Variants in SYNRG observed in about 807,000 individuals in gnomAD.
SYNRG encodes the protein synergin gamma.
In SYNRG, 37 loss-of-function variants were observed where a neutral mutation model predicts 130.9. The observed-to-expected ratio is 0.28, with a 90% CI of 0.22 to 0.37. SYNRG has a LOEUF of 0.37. SYNRG is among the 10% of genes least tolerant of loss of function. The pLI, the probability that SYNRG is intolerant of heterozygous loss-of-function variation, is 1.00. For synonymous variants in SYNRG, 539 were observed against 568.1 expected, an observed-to-expected ratio of 0.95 and a Z score of 0.73; for missense variants, 1,338 against 1,588.9, an observed-to-expected ratio of 0.84 and a Z score of 2.68.
At chr17:37,575,333 T>C (rs747949046) in intron 8 of SYNRG, among the ~76,000 whole-genome samples, 8 of 152,182 alleles carry the variant, frequency 5.3e-5, no homozygotes, top group Non-Finnish European at 1.0e-4. Context: ...AAAGAAGTAA[T>C]ACATGCTTGA....
At chr17:37,555,208 C>T (rs767307647) in intron 13 of SYNRG, among the ~76,000 whole-genome samples, 1 of 152,010 alleles carries the variant, frequency 6.6e-6, no homozygotes, top group Non-Finnish European at 1.5e-5. Context: ...TTCACTGCAA[C>T]CTCCACCTCC....
chr17:37,579,499 G>A (rs2061118217), intron 6 of SYNRG: 2 of 1,172,796 alleles, frequency 1.7e-6, no homozygotes, highest in Non-Finnish European at 2.3e-6. Context: ...AAGGAATTAA[G>A]ATGTAGTACA....
chr17:37,522,134 TACACACACAC>T (rs60928738), intron 19 of SYNRG, among the ~76,000 whole-genome samples: 3 of 145,036 alleles, frequency 2.1e-5, no homozygotes, highest in Non-Finnish European at 4.5e-5. Flanking sequence ...TCTAATTCAC[TACACACACAC>T]ACACACACAC....
chr17:37,609,325 CA>C lies in SYNRG; in HGVS notation c.30del (p.Gly11AlafsTer25). 1 of 1,469,986 alleles carries C rather than the reference CA, an allele frequency of 6.8e-7. No homozygotes were observed. The highest frequency in any genetic ancestry group is 8.9e-7 in the Non-Finnish European group (1 of 1,117,458). The allele number at this position is 1,469,986 out of a possible 1,614,324, so 91.1% of individuals were successfully genotyped here. Reference sequence around the variant, plus strand: ...GCGCCAGCTCCCGCGGCCCCGCCGCCACCAGAACCAGCTCCTGGCCGCAGCG... The same window carrying C: ...GCGCCAGCTCCCGCGGCCCCGCCGCCCCAGAACCAGCTCCTGGCCGCAGCG... MALRPGAGSGGGGAAGAGAG... is the reference protein window; with the variant it reads MALRPGAGSXGGGAAGAGAG... On this transcript the variant is annotated frameshift_variant, in exon 1 of 22. Coordinates refer to ENST00000612223, the MANE Select transcript of SYNRG (RefSeq NM_007247.6). LOFTEE classifies it high-confidence loss of function.
At chr17:37,557,356 A>G (rs1161990846) in intron 13 of SYNRG, among the ~76,000 whole-genome samples, 2 of 152,224 alleles carry the variant, frequency 1.3e-5, no homozygotes, top group Non-Finnish European at 2.9e-5. Flanking sequence ...GAACAACACA[A>G]TACTATAAGA....
At chr17:37,568,661 G>T (rs1313090459) in intron 11 of SYNRG, 130 bp downstream of exon 11, 12 of 975,766 alleles carry the variant, frequency 1.2e-5, no homozygotes, top group Non-Finnish European at 1.6e-5. Flanking sequence ...TTAATACAGA[G>T]GGAATAAACA....
intron 12 of SYNRG, 72 bp from the exon 13 acceptor site, chr17:37,561,329 A>G: frequency 6.5e-7 from 1 of 1,549,390 alleles, no homozygotes; most frequent in South Asian, 1.1e-5. Flanking sequence ...AGTGAGGCAG[A>G]TTGGTTTAAC....
At chr17:37,576,463 G>C (rs1476505623) in intron 7 of SYNRG, 45 bp from the exon 8 acceptor site, 1 of 1,558,254 alleles carries the variant, frequency 6.4e-7, no homozygotes, top group African/African-American at 1.4e-5. Context: ...CCATGGAGAA[G>C]ATGGCGAAAT....
chr17:37,597,419 T>C (rs547708270), intron 2 of SYNRG, among the ~76,000 whole-genome samples: 16 of 152,318 alleles, frequency 1.1e-4, no homozygotes, highest in South Asian at 8.3e-4. Flanking sequence ...AGCAGATAAC[T>C]AACAAAATAA....
intron 11 of SYNRG, among the ~76,000 whole-genome samples, chr17:37,564,624 T>C (rs2059786006): frequency 6.6e-6 from 1 of 152,238 alleles, no homozygotes; most frequent in Non-Finnish European, 1.5e-5. Flanking sequence ...TTACTTGCCC[T>C]TTCATCTTCT....
At chr17:37,570,138 T>C (rs905801539) in intron 10 of SYNRG, among the ~76,000 whole-genome samples, 7 of 143,080 alleles carry the variant, frequency 4.9e-5, no homozygotes, top group Non-Finnish European at 1.0e-4. Flanking sequence ...ATAGACATGC[T>C]GAGGCTTTTT....
intron 6 of SYNRG, among the ~76,000 whole-genome samples, chr17:37,581,285 A>ATTC (rs2061313557): frequency 2.0e-5 from 3 of 151,358 alleles, no homozygotes; most frequent in Non-Finnish European, 4.4e-5. Flanking sequence ...TATTATTATT[A>ATTC]TTATTATTAT....
At chr17:37,532,259 A>C (rs1195735719) in intron 19 of SYNRG, among the ~76,000 whole-genome samples, 1 of 152,260 alleles carries the variant, frequency 6.6e-6, no homozygotes, top group South Asian at 2.1e-4. Flanking sequence ...TCAGGGAGAA[A>C]GCATGGTGCC....
At chr17:37,592,683 A>G (rs943055158) in intron 3 of SYNRG, among the ~76,000 whole-genome samples, 1 of 152,246 alleles carries the variant, frequency 6.6e-6, no homozygotes, top group Admixed American at 6.5e-5. Flanking sequence ...AAGGTTAATG[A>G]TTCAATTTAT....
chr17:37,536,846 C>G (rs1350763487), intron 18 of SYNRG: 1 of 152,276 alleles, frequency 6.6e-6, no homozygotes, highest in East Asian at 1.9e-4. Flanking sequence ...CCAGACACAT[C>G]CCTAACCCCT....
At chr17:37,558,373 A>C (rs1440929260) in intron 13 of SYNRG, among the ~76,000 whole-genome samples, 1 of 152,220 alleles carries the variant, frequency 6.6e-6, no homozygotes, top group Non-Finnish European at 1.5e-5. Flanking sequence ...TAAAGATAGA[A>C]TGTGGTATTG....
Position 37,585,332 on chromosome 17 carries a change from T to G in SYNRG, c.470A>C (p.Lys157Thr). ...KQKLRLLSSV[K>T]PKTGEKSRDD... is the part of the protein sequence containing the mutation. ...GAAGTATTGAAATACTACCTTGGGT[T>G]TCACACTGCTCAAAAGTCTGAGCTT... The change falls in exon 5 of 22, where the codon AAA becomes ACA. Residue 157 changes from lysine to threonine, a missense_variant. By Grantham distance (78) the Lys-to-Thr change is moderately conservative. Transcript: ENST00000612223. 6.2e-7 allele frequency: 1 copy of G among 1,613,346 alleles called. No homozygotes were observed. The highest frequency in any genetic ancestry group is 1.1e-5 in the South Asian group (1 of 90,990).
chr17:37,565,262 T>TA lies in SYNRG; in HGVS notation c.1481+3528dup, dbSNP rs5820225. Reference sequence around the variant, plus strand: ...CTGGAGACAGAGCAAGACTCCGTCTTAAAAAAAAAAAAAATAGTTTCATTC... The same window carrying TA: ...CTGGAGACAGAGCAAGACTCCGTCTTAAAAAAAAAAAAAAATAGTTTCATTC... On this transcript the variant is annotated intron_variant, in intron 11 of 21. Transcript: ENST00000612223. Among the ~76,000 whole-genome samples the TA allele has an allele frequency of 6.3e-3, 915 of 145,588 alleles. 6 individuals are homozygous for TA. Among genetic ancestry groups the TA allele is most frequent in the African/African-American group, 0.02 (783 of 39,550 alleles).
intron 3 of SYNRG, among the ~76,000 whole-genome samples, chr17:37,592,876 A>C (rs8080313): frequency 6.6e-6 from 1 of 152,036 alleles, no homozygotes; most frequent in Admixed American, 6.5e-5. Flanking sequence ...TTGTGTTACT[A>C]TATTTCTACA....
Sources: gnomAD v4.1 joint callset for allele counts (sites outside exome capture counted in the v4.1 genomes callset) on GRCh38, gnomAD v4.1.1 for gene constraint, MANE v1.5 for transcripts, NCBI Gene and HGNC (gene_info 2026-07-23, HGNC 2026-07-21) for gene names.